ROCK2: variants seen among roughly 807,000 people sequenced by gnomAD.
ROCK2 encodes the protein rho-associated protein kinase 2.
ROCK2 carries 61 observed loss-of-function variants against 195.1 expected under a neutral mutation model. The ratio of observed to expected loss-of-function variants is 0.31; its 90% confidence interval spans 0.25 to 0.39. ROCK2 has a LOEUF of 0.39. Ranked by LOEUF, ROCK2 falls within the 10% of genes least tolerant of loss-of-function variation. The pLI is 1.00. For synonymous variants in ROCK2, 504 were observed against 545.5 expected (o/e 0.92, Z 1.06); for missense variants, 1,109 against 1,637.4 (o/e 0.68, Z 5.57).
Position 11,183,230 on chromosome 2 carries a change from A to C in ROCK2, c.*207T>G. ...TATATCCTTAGTCTATCAACCAATC[A>C]TTGTTGGTTCAACCTGTTGCTTCAA... On this transcript the variant is annotated 3_prime_UTR_variant, in exon 33 of 33. Transcript: ENST00000315872. 1 of 486,796 alleles carries C rather than the reference A, an allele frequency of 2.1e-6. No individual in the cohort carries two copies. 30.2% of individuals were successfully genotyped at this position (486,796 alleles called of 1,614,324 possible).
At chr2:11,331,440 G>A (rs987905302) in intron 1 of ROCK2, among the ~76,000 whole-genome samples, 3 of 152,200 alleles carry the variant, frequency 2.0e-5, no homozygotes, top group Non-Finnish European at 1.5e-5. Flanking sequence ...AGTTATTGAA[G>A]TAATACTAGT....
intron 1 of ROCK2, among the ~76,000 whole-genome samples, chr2:11,324,291 TG>T (rs1668482360): frequency 6.6e-6 from 1 of 152,068 alleles, no homozygotes; most frequent in South Asian, 2.1e-4. Context: ...AAAAATTAGC[TG>T]GGCATGGTGG....
rs1558302958 is a variant in ROCK2, at chr2:11,220,013, T to TTG, written c.1260-988_1260-987insCA. 1.8e-4 allele frequency among the ~76,000 whole-genome samples: 28 copies of TTG among 151,848 alleles called. 1 individual carries two copies. The South Asian group carries it at 3.5e-3, about 19-fold the overall frequency. On this transcript the variant is annotated intron_variant, in intron 9 of 32. Coordinates refer to ENST00000315872, the MANE Select transcript of ROCK2 (RefSeq NM_004850.5). ...GGCGCAAACCACCACATCTGGCTTT[T>TTG]TTGTTGTTGTTGTTGTTGTTGAGAT...
Position 11,254,727 on chromosome 2 carries a change from T to TAAAAAAAAAA in ROCK2, c.325-4939_325-4930dup, listed in dbSNP as rs10640683. Among the ~76,000 whole-genome samples, 6 of 39,128 alleles carry TAAAAAAAAAA rather than the reference T, an allele frequency of 1.5e-4. 1 individual carries two copies. Among genetic ancestry groups the TAAAAAAAAAA allele is most frequent in the East Asian group, 2.9e-3 (2 of 682 alleles). 25.7% of individuals were successfully genotyped at this position (39,128 alleles called of 152,430 possible). ...TAGGCAACAGTGAGACCCTGTCTCT[T>TAAAAAAAAAA]AAAAAAAAAAAAAAAAAAAAAAAAA... is the stretch of plus-strand genomic sequence containing the variant. On this transcript the variant is annotated intron_variant, in intron 3 of 32. Coordinates refer to ENST00000315872, the MANE Select transcript of ROCK2 (RefSeq NM_004850.5).
At chr2:11,325,706 A>C (rs1668529185) in intron 1 of ROCK2, among the ~76,000 whole-genome samples, 1 of 152,210 alleles carries the variant, frequency 6.6e-6, no homozygotes, top group Non-Finnish European at 1.5e-5. Flanking sequence ...AATACTTCAG[A>C]GAATAACAGG....
At chr2:11,264,959 C>T (rs909082879) in intron 3 of ROCK2, among the ~76,000 whole-genome samples, 8 of 152,172 alleles carry the variant, frequency 5.3e-5, no homozygotes, top group Non-Finnish European at 1.0e-4. Flanking sequence ...AGAGAACACA[C>T]TCTGGAATCC....
upstream of ROCK2, among the ~76,000 whole-genome samples, chr2:11,345,014 G>A (rs1337036552): frequency 4.0e-5 from 6 of 150,592 alleles, no homozygotes; most frequent in Non-Finnish European, 5.9e-5. Context: ...CGTGCGCTGG[G>A]GGGGAGCCCG....
Position 11,214,975 on chromosome 2 carries a change from C to G in ROCK2, c.1801G>C (p.Asp601His). Residue 601 changes from aspartate (D) to histidine (H), a missense_variant, in exon 16 of 33, where the codon GAT (aspartate) becomes CAT (histidine). Physicochemically the swap from Asp to His is moderately conservative, Grantham distance 81 (BLOSUM62 -1). Coordinates refer to ENST00000315872, the MANE Select transcript of ROCK2 (RefSeq NM_004850.5). The stretch of plus-strand genomic sequence containing the variant: ...AGCAGGCAGTTTTTATCTTGTAGAT[C>G]TCTATTGTTAGATTCCAGCTGCTGA... ...QIQQLESNNR[D>H]LQDKNCLLET... The G allele has an allele frequency of 1.9e-6, 3 of 1,614,058 alleles. No homozygotes were observed. The highest frequency in any genetic ancestry group is 1.7e-6 in the Non-Finnish European group (2 of 1,179,990).
At chr2:11,270,583 T>C (rs1007446220) in intron 3 of ROCK2, among the ~76,000 whole-genome samples, 2 of 152,216 alleles carry the variant, frequency 1.3e-5, no homozygotes, top group Non-Finnish European at 2.9e-5. Flanking sequence ...GGTGTACCTA[T>C]TGATATATCC....
At chr2:11,222,294 G>A (rs1176753006) in intron 7 of ROCK2, 120 bp from the exon 8 acceptor site, 3 of 584,078 alleles carry the variant, frequency 5.1e-6, no homozygotes, top group Non-Finnish European at 8.9e-6. Flanking sequence ...TGTATTAAAA[G>A]CTTCAGCTTA....
Position 11,218,989 on chromosome 2 carries a change from A to C in ROCK2, c.1297T>G (p.Ser433Ala), listed in dbSNP as rs1664528247. The part of the protein sequence containing the change: ...SDSPSCRETD[S>A]IQSRKNEESQ... ...ACTTCATTTTTCCTTGATTGTATGG[A>C]ATCAGTTTCTCTACAAGATGGAGAG... The change falls in exon 10 of 33, where the codon TCC becomes GCC. Residue 433 changes from serine to alanine, a missense_variant. By Grantham distance (99) the Ser-to-Ala change is moderately conservative. This residue lies in a region of ROCK2 where 542 missense variants were observed against 672.0 expected (regional missense o/e 0.81). Coordinates refer to ENST00000315872, the MANE Select transcript of ROCK2 (RefSeq NM_004850.5). 3 of 1,477,886 alleles carry C rather than the reference A, an allele frequency of 2.0e-6. No individual in the cohort carries two copies. The highest frequency in any genetic ancestry group is 2.0e-5 in the Admixed American group (1 of 50,558). The allele number at this position is 1,477,886 out of a possible 1,614,324, so 91.5% of individuals were successfully genotyped here. A position where few individuals can be genotyped will look rare whatever the true frequency, so the allele number is the denominator to read the frequency against.
At chr2:11,299,352 A>G (rs1667637126) in intron 1 of ROCK2, among the ~76,000 whole-genome samples, 1 of 152,138 alleles carries the variant, frequency 6.6e-6, no homozygotes, top group Admixed American at 6.5e-5. Flanking sequence ...TTTTCCAGTC[A>G]AATATTAATC....
chr2:11,309,561 G>T (rs1268889505), intron 1 of ROCK2, among the ~76,000 whole-genome samples: 1 of 152,074 alleles, frequency 6.6e-6, no homozygotes, highest in African/African-American at 2.4e-5. Flanking sequence ...GCAAATTAGG[G>T]TTCTATACCT....
chr2:11,261,231 T>C (rs575913067), intron 3 of ROCK2, among the ~76,000 whole-genome samples: 2 of 152,204 alleles, frequency 1.3e-5, no homozygotes, highest in Non-Finnish European at 2.9e-5. Flanking sequence ...AGAGCAAACA[T>C]TAAGAGGCAA....
chr2:11,185,593 G>A (rs967729415), intron 32 of ROCK2, among the ~76,000 whole-genome samples: 2 of 151,510 alleles, frequency 1.3e-5, no homozygotes, highest in African/African-American at 4.8e-5. Flanking sequence ...GCTGGGCATG[G>A]TGGCAGGTGC....
chr2:11,264,138 T>G (rs977357549), intron 3 of ROCK2, among the ~76,000 whole-genome samples: 3 of 152,096 alleles, frequency 2.0e-5, no homozygotes, highest in Non-Finnish European at 4.4e-5. Flanking sequence ...TGAGCTTGGA[T>G]AGTGTGAATT....
intron 18 of ROCK2, 84 bp from the exon 19 acceptor site, chr2:11,208,531 G>T: frequency 1.6e-6 from 1 of 609,618 alleles, no homozygotes; most frequent in South Asian, 5.3e-5. Context: ...CACATTAAAT[G>T]ACACCATACT....
At chr2:11,304,361 CAAT>C (rs1276767017) in intron 1 of ROCK2, among the ~76,000 whole-genome samples, 4 of 152,078 alleles carry the variant, frequency 2.6e-5, no homozygotes, top group South Asian at 2.1e-4. Context: ...ATACTGAGGC[CAAT>C]AATGTTAATA....
chr2:11,306,205 T>A (rs1261577837), intron 1 of ROCK2, among the ~76,000 whole-genome samples: 3 of 152,142 alleles, frequency 2.0e-5, no homozygotes, highest in Non-Finnish European at 4.4e-5. Context: ...AATAAGAAGT[T>A]TTTTAAAAAC....
Sources: gnomAD v4.1 joint callset for allele counts (sites outside exome capture counted in the v4.1 genomes callset) on GRCh38, gnomAD v4.1.1 for gene constraint, gnomAD v4.1.1 regional missense constraint, MANE v1.5 for transcripts, NCBI Gene and HGNC (gene_info 2026-07-23, HGNC 2026-07-21) for gene names.